The following TPTE variants were observed in gnomAD, a reference collection of about 807,000 sequenced individuals.
TPTE encodes the protein transmembrane phosphatase with tensin homology, also known as putative tyrosine-protein phosphatase TPTE.
TPTE carries 59 observed loss-of-function variants against 84.1 expected under a neutral mutation model. The ratio of observed to expected loss-of-function variants is 0.70; its 90% CI spans 0.57 to 0.87. TPTE has a LOEUF of 0.87. TPTE is among the 40% of genes least tolerant of loss of function. The pLI, the probability that TPTE is intolerant of heterozygous loss-of-function variation, is 0.00. For synonymous variants in TPTE, 130 were observed against 223.5 expected (o/e 0.58, Z 3.73); for missense variants, 382 against 659.6 (o/e 0.58, Z 4.61).
chr21:10,551,206 T>C lies in TPTE; in HGVS notation c.174-1451T>C, dbSNP rs538712022. Among the ~76,000 whole-genome samples, 46 of 151,930 alleles carry C rather than the reference T, an allele frequency of 3.0e-4. No individual in the cohort carries two copies. In the South Asian group the frequency reaches 8.7e-3, roughly 29 times the overall value. ...CAAGGACAAAACACCAAACATCACA[T>C]GTTCTCACTCATAGGTGGGAATTGA... On this transcript the variant is annotated intron_variant, in intron 7 of 23. Coordinates refer to ENST00000618007, the MANE Select transcript of TPTE (RefSeq NM_199261.4).
chr21:10,568,939 C>G (rs1382952005), intron 11 of TPTE, among the ~76,000 whole-genome samples: 1 of 152,306 alleles, frequency 6.6e-6, no homozygotes, highest in African/African-American at 2.4e-5. Context: ...TGTTGCCTCC[C>G]TGATGTGTAG....
At chr21:10,525,776 C>T (rs1162938285) in intron 2 of TPTE, among the ~76,000 whole-genome samples, 4 of 152,306 alleles carry the variant, frequency 2.6e-5, no homozygotes, top group Non-Finnish European at 4.4e-5. Context: ...GGAAGTCATT[C>T]TGTGCCCCAA....
intron 3 of TPTE, among the ~76,000 whole-genome samples, chr21:10,536,676 C>A (rs2074272889): frequency 6.6e-6 from 1 of 152,312 alleles, no homozygotes; most frequent in African/African-American, 2.4e-5. Context: ...TACAGAATGT[C>A]TTTTACACTG....
intron 22 of TPTE, 83 bp from the exon 23 acceptor site, chr21:10,603,479 A>C: frequency 7.5e-7 from 1 of 1,338,822 alleles, no homozygotes; most frequent in Non-Finnish European, 1.0e-6. Flanking sequence ...AATATAAAAA[A>C]GAATAAAGAA....
At chr21:10,543,090 CGCAATCTCGGCTCACT>C (rs1447931659) in intron 6 of TPTE, among the ~76,000 whole-genome samples, 17 of 110,836 alleles carry the variant, frequency 1.5e-4, no homozygotes. Context: ...ACTGCAGTGG[CGCAATCTCGGCTCACT>C]GCAAGCTCTG....
At chr21:10,529,365 T>A (rs1351948192) in intron 3 of TPTE, among the ~76,000 whole-genome samples, 7 of 152,302 alleles carry the variant, frequency 4.6e-5, no homozygotes, top group Admixed American at 4.6e-4. Context: ...ACATTTCCAT[T>A]TTCACCAGGA....
Position 10,581,174 on chromosome 21 carries a change from C to A in TPTE, c.1027+2569C>A, listed in dbSNP as rs540751890. ...TATACAGGTTCTGTGTTTAGCTCTA[C>A]AGGTTGGAATATTGTATATATACTG... On this transcript the variant is annotated intron_variant, in intron 17 of 23. Transcript: ENST00000618007. Among the ~76,000 whole-genome samples, 5 of 152,396 alleles carry A rather than the reference C, an allele frequency of 3.3e-5. No homozygotes were observed. The South Asian group carries it at 1.0e-3, about 32-fold the overall frequency.
At chr21:10,544,008 C>A (rs552490200) in intron 7 of TPTE, among the ~76,000 whole-genome samples, 10 of 152,422 alleles carry the variant, frequency 6.6e-5, no homozygotes, top group African/African-American at 2.4e-4. Flanking sequence ...TGTGCGGGTA[C>A]TTCACTGTGT....
At chr21:10,543,441 C>T in intron 7 of TPTE, 59 bp downstream of exon 7, 1 of 1,611,946 alleles carries the variant, frequency 6.2e-7, no homozygotes. Flanking sequence ...GCTATACACA[C>T]ACCAAGCACA....
At chr21:10,563,657 TAAAAAAC>T (rs1397293727) in intron 10 of TPTE, among the ~76,000 whole-genome samples, 15 of 152,370 alleles carry the variant, frequency 9.8e-5, no homozygotes, top group African/African-American at 3.6e-4. Context: ...ACACGAAAAA[TAAAAAAC>T]AAGAAACTAA....
intron 17 of TPTE, among the ~76,000 whole-genome samples, chr21:10,586,771 G>T (rs2075374542): frequency 1.3e-5 from 2 of 152,298 alleles, no homozygotes; most frequent in Admixed American, 1.3e-4. Flanking sequence ...CCTGCATCTA[G>T]AAATCTTCCT....
At chr21:10,534,667 AG>A (rs1356430464) in intron 3 of TPTE, among the ~76,000 whole-genome samples, 1 of 152,310 alleles carries the variant, frequency 6.6e-6, no homozygotes, top group East Asian at 1.9e-4. Flanking sequence ...CATCAGTGAA[AG>A]GTGTTATGTG....
intron 13 of TPTE, 79 bp from the exon 14 acceptor site, chr21:10,570,406 A>T (rs2075018163): frequency 5.0e-6 from 8 of 1,607,702 alleles, no homozygotes; most frequent in Non-Finnish European, 6.8e-6. Context: ...ATGGAATCTG[A>T]TCATGTATAA....
chr21:10,605,655 ATTTATG>A lies in TPTE; in HGVS notation c.*109_*114del, dbSNP rs1568806632. 26 of 1,553,088 alleles carry A rather than the reference ATTTATG, an allele frequency of 1.7e-5. No homozygotes were observed. Among genetic ancestry groups the A allele is most frequent in the Non-Finnish European group, 2.3e-5 (26 of 1,151,998 alleles). ...ATCCTAAATGTTCCTTGAAGTATTT[ATTTATG>A]TTTATATATGTTTATATATGTTCTT... On this transcript the variant is annotated 3_prime_UTR_variant, in exon 24 of 24. Coordinates refer to ENST00000618007, the MANE Select transcript of TPTE (RefSeq NM_199261.4).
intron 14 of TPTE, among the ~76,000 whole-genome samples, chr21:10,576,026 A>C (rs573182699): frequency 6.6e-6 from 1 of 152,420 alleles, no homozygotes; most frequent in East Asian, 1.9e-4. Context: ...GCAATTCCTC[A>C]AAGACCTAGA....
At chr21:10,554,699 A>C (rs2074644774) in intron 8 of TPTE, among the ~76,000 whole-genome samples, 1 of 152,304 alleles carries the variant, frequency 6.6e-6, no homozygotes, top group Non-Finnish European at 1.5e-5. Context: ...CTTTAATGTT[A>C]TTCTCAGAAA....
At chr21:10,528,877 G>A (rs469819) in intron 3 of TPTE, among the ~76,000 whole-genome samples, 31,692 of 144,692 alleles carry the variant, frequency 0.22, 64 homozygotes, top group African/African-American at 0.47. Context: ...AAAAGGAAAT[G>A]CTGGTGTGTT....
intron 3 of TPTE, among the ~76,000 whole-genome samples, chr21:10,535,768 C>T (rs1288361094): frequency 1.3e-5 from 2 of 152,308 alleles, no homozygotes; most frequent in Non-Finnish European, 2.9e-5. Flanking sequence ...CACCTTCTAG[C>T]GTTCTACCAC....
intron 23 of TPTE, among the ~76,000 whole-genome samples, chr21:10,604,296 T>A (rs1312944112): frequency 1.2e-3 from 185 of 151,512 alleles, no homozygotes; most frequent in African/African-American, 4.3e-3. Flanking sequence ...CCACTGTAAG[T>A]AGCATTTGTT....
Sources: gnomAD v4.1 joint callset for allele counts (sites outside exome capture counted in the v4.1 genomes callset) on GRCh38, gnomAD v4.1.1 for gene constraint, MANE v1.5 for transcripts, NCBI Gene and HGNC (gene_info 2026-07-23, HGNC 2026-07-21) for gene names.